The following ZNF462 variants were observed in gnomAD, a reference collection of about 807,000 sequenced individuals.
ZNF462 encodes zinc finger PBX1-interacting protein.
In ZNF462, 10 loss-of-function variants were observed where a neutral mutation model predicts 201.9. The observed-to-expected ratio is 0.05, with a 90% confidence interval of 0.03 to 0.08. The LOEUF (loss-of-function observed/expected upper bound fraction) is 0.08. Among genes scored for constraint, ZNF462 ranks in the 10% least tolerant of loss-of-function variants. The probability of loss-of-function intolerance (pLI) is 1.00; values close to 1 mark genes in which losing one functional copy is unlikely to be tolerated. For missense variants in ZNF462, 2,523 were observed against 3,168.3 expected, an observed-to-expected ratio of 0.80 and a Z score of 4.89; for synonymous variants, 1,227 against 1,193.3, an observed-to-expected ratio of 1.03 and a Z score of -0.58.
chr9:107,008,760 A>ACTGGTAC lies in ZNF462; in HGVS notation c.7190-785_7190-784insCTGGTAC, dbSNP rs1829738565. ...AGACTTCTACCATGTGCCTAGTACC[A>ACTGGTAC]TGGAGGAAACAAAACAACTAAGTCA... On this transcript the variant is annotated intron_variant, in intron 11 of 12. Transcript: ENST00000277225. The surrounding 1 kb of genome is among the most constrained non-coding windows in gnomAD (Gnocchi z 4.8). Among the ~76,000 whole-genome samples, 10 of 152,342 alleles carry ACTGGTAC rather than the reference A, an allele frequency of 6.6e-5. No individual in the cohort carries two copies. Among genetic ancestry groups the ACTGGTAC allele is most frequent in the South Asian group, 6.2e-4 (3 of 4,826 alleles).
intron 1 of ZNF462, among the ~76,000 whole-genome samples, chr9:106,863,770 C>T (rs933465256): frequency 6.7e-6 from 1 of 149,324 alleles, no homozygotes; most frequent in Non-Finnish European, 1.5e-5. Context: ...GAGAAGAGAG[C>T]TGGAGGCTTA....
chr9:106,863,166 G>T lies in ZNF462; in HGVS notation c.-220G>T, dbSNP rs889439548. 6.8e-5 allele frequency: 27 copies of T among 399,206 alleles called. No homozygotes were observed. The Middle Eastern group carries it at 1.9e-3, about 28-fold the overall frequency. The allele number at this position is 399,206 out of a possible 1,614,324, so 24.7% of individuals were successfully genotyped here. A position where few individuals can be genotyped will look rare whatever the true frequency, so the allele number is the denominator to read the frequency against. ...ATCTCAGGTCATCTGCAGCTGCAGC[G>T]AGTCTGAGGAGCCGAGGAAGGCAGG... On this transcript the variant is annotated 5_prime_UTR_variant, in exon 1 of 13. Transcript: ENST00000277225.
intron 1 of ZNF462, among the ~76,000 whole-genome samples, chr9:106,863,897 T>C (rs1294929882): frequency 1.3e-5 from 2 of 151,842 alleles, no homozygotes; most frequent in Non-Finnish European, 2.9e-5. Context: ...GAGGGAGAGC[T>C]CCGTGCGAGC....
In ZNF462 at chr9:106,919,632, G is replaced by A. The variant is rs1292070024; in HGVS notation, c.-30-3722G>A. Among the ~76,000 whole-genome samples, 1 of 152,220 alleles carries A rather than the reference G, an allele frequency of 6.6e-6. No individual in the cohort carries two copies. The highest frequency in any genetic ancestry group is 1.5e-5 in the Non-Finnish European group (1 of 68,032). ...CCCACATTTTGAAATCCTTCAAACT[G>A]TAAATGCAAACTGAACAAACCAGCA... On this transcript the variant is annotated intron_variant, in intron 1 of 12. Coordinates refer to ENST00000277225, the MANE Select transcript of ZNF462 (RefSeq NM_021224.6). This position sits in a 1 kb window ranked among gnomAD's most constrained non-coding sequence, Gnocchi z 4.5.
chr9:106,867,560 A>T lies in ZNF462; in HGVS notation c.-31+4205A>T, dbSNP rs569337795. Among the ~76,000 whole-genome samples, 99 of 147,838 alleles carry T rather than the reference A, an allele frequency of 6.7e-4. 1 individual carries two copies. Among genetic ancestry groups the T allele is most frequent in the Middle Eastern group, 3.4e-3 (1 of 292 alleles). Reference sequence around the variant, plus strand: ...TTTCCCCCTTACTCTTTGGAGTTGGAGACAACTTTTAGAGAAAAAAAAAAA... The same window carrying T: ...TTTCCCCCTTACTCTTTGGAGTTGGTGACAACTTTTAGAGAAAAAAAAAAA... On this transcript the variant is annotated intron_variant, in intron 1 of 12. Coordinates refer to ENST00000277225, the MANE Select transcript of ZNF462 (RefSeq NM_021224.6).
chr9:106,868,706 G>T (rs1827454709), intron 1 of ZNF462, among the ~76,000 whole-genome samples: 1 of 152,146 alleles, frequency 6.6e-6, no homozygotes, highest in Non-Finnish European at 1.5e-5. Context: ...AGGTCAGAAA[G>T]TTCAGTTGTA....
intron 1 of ZNF462, among the ~76,000 whole-genome samples, chr9:106,921,747 C>T (rs967428338): frequency 2.6e-5 from 4 of 152,090 alleles, no homozygotes; most frequent in Non-Finnish European, 5.9e-5. Flanking sequence ...ATGGACTGTG[C>T]GAAAGGAGAA....
chr9:106,873,556 C>G (rs1204593567), intron 1 of ZNF462, among the ~76,000 whole-genome samples: 3 of 152,042 alleles, frequency 2.0e-5, no homozygotes, highest in Admixed American at 2.0e-4. Context: ...AAAATTAGTT[C>G]TATTCTTTAA....
At chr9:106,899,476 G>A (rs1371806313) in intron 1 of ZNF462, among the ~76,000 whole-genome samples, 1 of 152,174 alleles carries the variant, frequency 6.6e-6, no homozygotes, top group Non-Finnish European at 1.5e-5. Context: ...GAGGATAAGA[G>A]AGAAAAGATA....
intron 10 of ZNF462, among the ~76,000 whole-genome samples, chr9:106,988,919 G>C (rs145108316): frequency 6.6e-6 from 1 of 152,194 alleles, no homozygotes; most frequent in African/African-American, 2.4e-5. Context: ...TCCTTTATCG[G>C]TTCTAGGAGA....
intron 1 of ZNF462, among the ~76,000 whole-genome samples, chr9:106,894,022 C>T (rs1239523110): frequency 6.6e-6 from 1 of 152,206 alleles, no homozygotes; most frequent in African/African-American, 2.4e-5. Flanking sequence ...TGCAAACTGA[C>T]TTTTAGTATT....
Position 106,927,766 on chromosome 9 carries a change from A to G in ZNF462, c.3854A>G (p.Lys1285Arg). Residue 1285 changes from lysine to arginine, a missense_variant, in exon 3 of 13, where the codon AAG becomes AGG. Lys to Arg is a conservative substitution (Grantham distance 26). Coordinates refer to ENST00000277225, the MANE Select transcript of ZNF462 (RefSeq NM_021224.6). ...TTCTATGCACTGAGGAAGCATATCA[A>G]GAAAGACCACCCCGCCCTGAAAGCC... ...PYFYALRKHI[K>R]KDHPALKATV... is the part of the protein sequence containing the mutation. 1 of 1,614,148 alleles carries G rather than the reference A, an allele frequency of 6.2e-7. No homozygotes were observed. Among genetic ancestry groups the G allele is most frequent in the Non-Finnish European group, 8.5e-7 (1 of 1,180,044 alleles).
rs113055869 is a variant in ZNF462 at position 106,914,734 on chromosome 9, T to A, written c.-30-8620T>A. On this transcript the variant is annotated intron_variant, in intron 1 of 12. Transcript: ENST00000277225. ...AGAAAAGACCACAAACAAACAAGGGTCATGCCAATAGTGAAGGAAATAAAG... is the reference window on the plus strand; with the variant it reads ...AGAAAAGACCACAAACAAACAAGGGACATGCCAATAGTGAAGGAAATAAAG... Among the ~76,000 whole-genome samples the A allele has an allele frequency of 6.8e-3, 1,040 of 152,182 alleles. 12 individuals are homozygous for A. The highest frequency in any genetic ancestry group is 0.023 in the African/African-American group (945 of 41,512).
At chr9:106,863,467 A>C (rs1349612486) in intron 1 of ZNF462, 112 bp downstream of exon 1, 17 of 244,460 alleles carry the variant, frequency 7.0e-5, no homozygotes. Flanking sequence ...GGAGGGTTGG[A>C]GGAGCGGGGA....
intron 1 of ZNF462, among the ~76,000 whole-genome samples, chr9:106,874,892 G>A (rs1325470947): frequency 6.6e-6 from 1 of 152,178 alleles, no homozygotes; most frequent in Non-Finnish European, 1.5e-5. Flanking sequence ...TGTTAATAAT[G>A]AATGAACATC....
chr9:106,901,288 A>C (rs995557627), intron 1 of ZNF462, among the ~76,000 whole-genome samples: 3 of 152,110 alleles, frequency 2.0e-5, no homozygotes, highest in Admixed American at 6.6e-5. Context: ...GCCTATTTTT[A>C]TACCAGTACC....
At chr9:106,862,526 C>T (rs1827100436), upstream of ZNF462, among the ~76,000 whole-genome samples, 2 of 151,996 alleles carry the variant, frequency 1.3e-5, no homozygotes, top group Admixed American at 6.6e-5. The surrounding 1 kb of genome is among the most constrained non-coding windows in gnomAD (Gnocchi z 4.2). Context: ...TCCCTCTTCC[C>T]CTTCTCCTTC....
At chr9:106,959,555 T>C (rs1040818524) in intron 7 of ZNF462, among the ~76,000 whole-genome samples, 5 of 152,110 alleles carry the variant, frequency 3.3e-5, no homozygotes, top group African/African-American at 1.2e-4. Context: ...GCCAATGTTA[T>C]CTTCTCCACT....
intron 7 of ZNF462, among the ~76,000 whole-genome samples, chr9:106,955,906 G>A (rs1831552970): frequency 6.6e-6 from 1 of 151,996 alleles, no homozygotes; most frequent in Non-Finnish European, 1.5e-5. Context: ...TCTAATTCTG[G>A]TTCTCTTGGT....
Sources: allele counts gnomAD v4.1 joint callset (sites outside exome capture counted in the v4.1 genomes callset), GRCh38; gene constraint gnomAD v4.1.1; non-coding constraint Gnocchi (gnomAD v3.1); transcripts MANE v1.5; gene names NCBI Gene and HGNC (gene_info 2026-07-23, HGNC 2026-07-21).